The following AK5 variants were observed in gnomAD, a reference collection of about 807,000 sequenced individuals.
The protein encoded by AK5 is adenylate kinase 5.
A neutral mutation model predicts 69.5 loss-of-function variants in AK5; 27 were observed. The observed-to-expected ratio is 0.39, with a 90% CI of 0.29 to 0.54. The LOEUF (loss-of-function observed/expected upper bound fraction) is 0.54, where lower values mean the gene tolerates loss of function less well. Among genes scored for constraint, AK5 ranks in the 20% least tolerant of loss-of-function variants. The pLI, the probability that AK5 is intolerant of heterozygous loss-of-function variation, is 0.71. For missense variants in AK5, 531 were observed against 700.4 expected (o/e 0.76, Z 2.73); for synonymous variants, 260 against 244.4 (o/e 1.06, Z -0.60).
chr1:77,381,107 A>G (rs1183952840), intron 6 of AK5, among the ~76,000 whole-genome samples: 1 of 152,176 alleles, frequency 6.6e-6, no homozygotes, highest in Non-Finnish European at 1.5e-5. Context: ...CCGAATTTGT[A>G]CATTGGAACC....
chr1:77,393,200 A>G (rs1648602451), intron 6 of AK5, among the ~76,000 whole-genome samples: 1 of 152,184 alleles, frequency 6.6e-6, no homozygotes, highest in South Asian at 2.1e-4. Context: ...GCATTTTGTG[A>G]TACTGTAACT....
chr1:77,531,000 A>G (rs749965224), intron 12 of AK5, among the ~76,000 whole-genome samples: 17 of 152,130 alleles, frequency 1.1e-4, no homozygotes, highest in Non-Finnish European at 2.4e-4. Context: ...TGAGGGGTGC[A>G]AGGATGAGTG....
chr1:77,359,754 A>G (rs1458714206), intron 6 of AK5, among the ~76,000 whole-genome samples: 2 of 152,208 alleles, frequency 1.3e-5, no homozygotes, highest in African/African-American at 4.8e-5. Context: ...CTCCCTATGT[A>G]ATTCGCTAGC....
At chr1:77,528,060 A>G (rs1356110661) in intron 12 of AK5, among the ~76,000 whole-genome samples, 1 of 150,462 alleles carries the variant, frequency 6.6e-6, no homozygotes, top group African/African-American at 2.5e-5. Flanking sequence ...CTCCATCTCA[A>G]ATAATAATAA....
chr1:77,411,453 C>G (rs1277387889), intron 7 of AK5, among the ~76,000 whole-genome samples: 1 of 152,156 alleles, frequency 6.6e-6, no homozygotes, highest in Non-Finnish European at 1.5e-5. Flanking sequence ...AAAAGCATCC[C>G]CTCCAATCTG....
rs1158970481 is a variant in AK5, at chr1:77,287,027, T to A, written c.147T>A (p.Gly49=). ...ESCLQKVKEL[G]GCDKVKWDTF... is the part of the protein sequence containing the mutation. ...GTTTACAAAAAGTAAAGGAACTGGG[T>A]GGCTGTGACAAGGTGAAATGGGATA... Residue 49 remains glycine, a synonymous_variant, in exon 2 of 14, where the codon GGT becomes GGA. Transcript: ENST00000354567. 1 of 1,610,350 alleles carries A rather than the reference T, an allele frequency of 6.2e-7. No homozygotes were observed. Among genetic ancestry groups the A allele is most frequent in the Admixed American group, 1.7e-5 (1 of 59,660 alleles).
In AK5 at chr1:77,402,451, C is replaced by G. The variant is rs1373727322; in HGVS notation, c.892-8530C>G. On this transcript the variant is annotated intron_variant, in intron 6 of 13. Coordinates refer to ENST00000354567, the MANE Select transcript of AK5 (RefSeq NM_174858.3). The stretch of plus-strand genomic sequence containing the variant: ...CTAATGCTATCCCTCCCCCCTCCCC[C>G]CACCCCACAACAGTCCCCGGTGTGT... Among the ~76,000 whole-genome samples, 3 of 135,306 alleles carry G rather than the reference C, an allele frequency of 2.2e-5. No homozygotes were observed. The East Asian group carries it at 6.7e-4, about 30-fold the overall frequency. The allele number at this position is 135,306 out of a possible 152,430, so 88.8% of individuals were successfully genotyped here.
intron 12 of AK5, among the ~76,000 whole-genome samples, chr1:77,530,173 G>A (rs542362621): frequency 6.6e-6 from 1 of 152,328 alleles, no homozygotes; most frequent in South Asian, 2.1e-4. Flanking sequence ...GTTTAGAATT[G>A]TGGGGAGCCC....
At position 77,558,662 on chromosome 1, in the gene AK5, A is replaced by ATTAT; in HGVS notation, c.1683_1684insATTT (p.Phe562IlefsTer11). On this transcript the variant is annotated frameshift_variant, in exon 14 of 14. Transcript: ENST00000354567. LOFTEE classifies it high-confidence loss of function. ...TCAACTCTGCACAGCTATTGACTCT[A>ATTAT]TTTTCTGAAGGCAAAAATGCATGTT... The ATTAT allele has an allele frequency of 4.4e-6, 7 of 1,597,058 alleles. No individual in the cohort carries two copies. Among genetic ancestry groups the ATTAT allele is most frequent in the Non-Finnish European group, 6.0e-6 (7 of 1,165,034 alleles).
At chr1:77,366,750 G>A (rs1199634425) in intron 6 of AK5, among the ~76,000 whole-genome samples, 2 of 152,166 alleles carry the variant, frequency 1.3e-5, no homozygotes, top group Non-Finnish European at 2.9e-5. Context: ...TCAACTTGTG[G>A]ACAATTTTTA....
At chr1:77,508,327 A>G (rs1657136505) in intron 10 of AK5, among the ~76,000 whole-genome samples, 1 of 152,184 alleles carries the variant, frequency 6.6e-6, no homozygotes, top group Non-Finnish European at 1.5e-5. Context: ...TAAGTTCCCA[A>G]GCCTCAGCCC....
chr1:77,344,841 T>A (rs1172762491), intron 6 of AK5, among the ~76,000 whole-genome samples: 3 of 152,126 alleles, frequency 2.0e-5, no homozygotes, highest in Non-Finnish European at 4.4e-5. Context: ...CTGTACCCAA[T>A]GTGTAGTCTT....
At chr1:77,301,420 G>A (rs920862039) in intron 5 of AK5, among the ~76,000 whole-genome samples, 4 of 152,212 alleles carry the variant, frequency 2.6e-5, no homozygotes, top group Non-Finnish European at 5.9e-5. Flanking sequence ...GAGGAAGGCC[G>A]GGAAGTAGAG....
intron 11 of AK5, among the ~76,000 whole-genome samples, chr1:77,521,334 A>G (rs907695418): frequency 2.6e-5 from 4 of 152,154 alleles, no homozygotes; most frequent in Non-Finnish European, 4.4e-5. Flanking sequence ...GGGTTTCACC[A>G]TGGTGGCCAG....
intron 5 of AK5, among the ~76,000 whole-genome samples, chr1:77,337,969 T>TC (rs1553134842): frequency 6.6e-5 from 10 of 150,832 alleles, no homozygotes; most frequent in Admixed American, 2.6e-4. Context: ...CTTTTTATTT[T>TC]TTTTTTTTTT....
At chr1:77,504,611 G>A (rs1232781024) in intron 10 of AK5, among the ~76,000 whole-genome samples, 1 of 152,098 alleles carries the variant, frequency 6.6e-6, no homozygotes, top group African/African-American at 2.4e-5. Flanking sequence ...ACAGAAAAGT[G>A]CACAAGTCTT....
At chr1:77,552,427 A>C (rs1296504393) in intron 13 of AK5, among the ~76,000 whole-genome samples, 2 of 152,206 alleles carry the variant, frequency 1.3e-5, no homozygotes, top group East Asian at 3.9e-4. Context: ...ACAATATACA[A>C]ATACTTGGGT....
intron 5 of AK5, among the ~76,000 whole-genome samples, chr1:77,320,801 T>A (rs895173138): frequency 2.6e-5 from 4 of 152,162 alleles, no homozygotes; most frequent in African/African-American, 9.7e-5. Context: ...TGGAGTGATG[T>A]TACTGACATT....
intron 6 of AK5, among the ~76,000 whole-genome samples, chr1:77,394,755 A>C (rs1648721747): frequency 6.6e-6 from 1 of 151,304 alleles, no homozygotes; most frequent in African/African-American, 2.4e-5. Flanking sequence ...GTCAAAACAT[A>C]ATCTATATTA....
Sources: gnomAD v4.1 joint callset for allele counts (sites outside exome capture counted in the v4.1 genomes callset) on GRCh38, gnomAD v4.1.1 for gene constraint, MANE v1.5 for transcripts, NCBI Gene and HGNC (gene_info 2026-07-23, HGNC 2026-07-21) for gene names.